EYS: variants seen among roughly 807,000 people sequenced by gnomAD.
The protein encoded by EYS is protein eyes shut homolog.
A neutral mutation model predicts 282.1 loss-of-function variants in EYS; 250 were observed. That is an observed-to-expected ratio of 0.89 (90% confidence interval 0.80 to 0.98). The LOEUF (loss-of-function observed/expected upper bound fraction) is 0.98, where lower values mean the gene tolerates loss of function less well. EYS is among the 50% of genes least tolerant of loss of function. The pLI, the probability that EYS is intolerant of heterozygous loss-of-function variation, is 0.00. For synonymous variants in EYS, 1,355 were observed against 1,282.9 expected (o/e 1.06, Z -1.20); for missense variants, 4,016 against 3,709.0 (o/e 1.08, Z -2.15).
intron 22 of EYS, among the ~76,000 whole-genome samples, chr6:64,770,198 A>G (rs1044925499): frequency 2.6e-5 from 4 of 151,882 alleles, no homozygotes; most frequent in African/African-American, 9.7e-5. Context: ...CCCTATTAAT[A>G]CTTTCTTTTG....
At chr6:64,253,623 G>C (rs760206045) in intron 30 of EYS, among the ~76,000 whole-genome samples, 1 of 152,092 alleles carries the variant, frequency 6.6e-6, no homozygotes, top group Non-Finnish European at 1.5e-5. Flanking sequence ...GAAGTATCAG[G>C]TCTGTACTGA....
chr6:63,841,073 A>T (rs527307920), intron 36 of EYS, among the ~76,000 whole-genome samples: 62 of 152,330 alleles, frequency 4.1e-4, no homozygotes, highest in Admixed American at 1.8e-3. Flanking sequence ...GTCAAATTTA[A>T]TACATATCTG....
chr6:63,832,909 G>C (rs897341557), intron 36 of EYS, among the ~76,000 whole-genome samples: 1 of 151,996 alleles, frequency 6.6e-6, no homozygotes, highest in African/African-American at 2.4e-5. Flanking sequence ...AGGCTGGTTT[G>C]ACATAAGCAA....
chr6:64,001,417 G>A (rs774223930), intron 33 of EYS, among the ~76,000 whole-genome samples: 6 of 152,024 alleles, frequency 3.9e-5, no homozygotes, highest in Admixed American at 6.5e-5. Context: ...CTCAAGTTGC[G>A]TTATTTTAAA....
chr6:64,906,444 G>A (rs1767829815), intron 16 of EYS, among the ~76,000 whole-genome samples: 1 of 152,090 alleles, frequency 6.6e-6, no homozygotes, highest in Admixed American at 6.5e-5. Flanking sequence ...ATTGTCAACA[G>A]GAGTAATTTC....
intron 12 of EYS, among the ~76,000 whole-genome samples, chr6:65,228,911 G>T (rs951003540): frequency 6.6e-6 from 1 of 151,986 alleles, no homozygotes; most frequent in East Asian, 1.9e-4. Flanking sequence ...CAGTGGGAAA[G>T]AGCATTTTAT....
chr6:65,147,817 C>T (rs2150213023), intron 12 of EYS, among the ~76,000 whole-genome samples: 1 of 152,134 alleles, frequency 6.6e-6, no homozygotes, highest in Middle Eastern at 3.4e-3. Flanking sequence ...CTGGGGATGC[C>T]TCAGGAATCT....
intron 33 of EYS, among the ~76,000 whole-genome samples, chr6:64,042,421 G>T (rs914430950): frequency 6.6e-6 from 1 of 152,138 alleles, no homozygotes; most frequent in African/African-American, 2.4e-5. Flanking sequence ...TATTCCAAAA[G>T]CATTTGACTT....
chr6:64,888,895 G>A (rs1430025733), intron 18 of EYS, among the ~76,000 whole-genome samples: 1 of 151,838 alleles, frequency 6.6e-6, no homozygotes, highest in South Asian at 2.1e-4. Context: ...AGCAGTGAAA[G>A]GTATCTCAAG....
chr6:64,658,840 G>A (rs1418268378), intron 22 of EYS, among the ~76,000 whole-genome samples: 1 of 152,132 alleles, frequency 6.6e-6, no homozygotes, highest in Non-Finnish European at 1.5e-5. Context: ...GAGACAGAAA[G>A]GTAACAAGGA....
At chr6:64,776,818 C>T (rs1488654416) in intron 22 of EYS, among the ~76,000 whole-genome samples, 2 of 152,032 alleles carry the variant, frequency 1.3e-5, no homozygotes, top group East Asian at 3.9e-4. Flanking sequence ...GCTTCATTAG[C>T]TTACTAAGTG....
intron 30 of EYS, among the ~76,000 whole-genome samples, chr6:64,244,883 T>C (rs554716642): frequency 1.3e-5 from 2 of 152,294 alleles, no homozygotes; most frequent in African/African-American, 4.8e-5. Flanking sequence ...AACGTGCAGG[T>C]TTATTACATA....
At chr6:64,527,619 G>T (rs761309819) in intron 26 of EYS, among the ~76,000 whole-genome samples, 1 of 151,522 alleles carries the variant, frequency 6.6e-6, no homozygotes, top group African/African-American at 2.4e-5. Flanking sequence ...AAATATGACC[G>T]AAATAAATGC....
chr6:65,309,820 C>T (rs934848680), intron 11 of EYS, among the ~76,000 whole-genome samples: 2 of 152,206 alleles, frequency 1.3e-5, no homozygotes, highest in Admixed American at 6.5e-5. Context: ...CCAATTGATC[C>T]TACTTTCAAA....
chr6:64,494,454 G>A (rs984694719), intron 26 of EYS, among the ~76,000 whole-genome samples: 2 of 151,524 alleles, frequency 1.3e-5, no homozygotes, highest in South Asian at 2.1e-4. Context: ...GTGTACAGTT[G>A]TTTGTTTCTC....
chr6:65,037,666 C>T (rs899542557), intron 13 of EYS, among the ~76,000 whole-genome samples: 1 of 151,486 alleles, frequency 6.6e-6, no homozygotes, highest in Non-Finnish European at 1.5e-5. Context: ...GGTAAGGCTC[C>T]CAGTCAAGAG....
chr6:65,481,898 G>T (rs991384191), intron 5 of EYS, among the ~76,000 whole-genome samples: 12 of 152,082 alleles, frequency 7.9e-5, no homozygotes, highest in Non-Finnish European at 1.8e-4. Flanking sequence ...TAGTAGGGTG[G>T]AGAACACTTG....
At chr6:65,635,582 A>C (rs973205307) in intron 2 of EYS, among the ~76,000 whole-genome samples, 2 of 152,128 alleles carry the variant, frequency 1.3e-5, no homozygotes, top group African/African-American at 4.8e-5. Flanking sequence ...CCAAAGTACA[A>C]GGATTACAGG....
At chr6:64,694,530 T>C (rs1225462608) in intron 22 of EYS, among the ~76,000 whole-genome samples, 2 of 152,182 alleles carry the variant, frequency 1.3e-5, no homozygotes, top group Non-Finnish European at 2.9e-5. Context: ...GGAAGTGCCC[T>C]GCATGCATTC....
Sources: allele counts gnomAD v4.1 joint callset (sites outside exome capture counted in the v4.1 genomes callset), GRCh38; gene constraint gnomAD v4.1.1; transcripts MANE v1.5; gene names NCBI Gene and HGNC (gene_info 2026-07-23, HGNC 2026-07-21).